The following GIGYF1 variants were observed in gnomAD, a reference collection of about 807,000 sequenced individuals.
GIGYF1 encodes GRB10-interacting GYF protein 1.
Under a neutral mutation model 147.1 loss-of-function variants are expected in GIGYF1, and 84 were observed. The observed-to-expected ratio is 0.57, with a 90% CI of 0.48 to 0.68. The LOEUF is 0.68. Ranked by LOEUF, GIGYF1 falls within the 30% of genes least tolerant of loss-of-function variation. GIGYF1 has a pLI of 0.00. For missense variants in GIGYF1, 1,485 were observed against 1,393.7 expected, an observed-to-expected ratio of 1.07 and a Z score of -1.04; for synonymous variants, 752 against 589.5, an observed-to-expected ratio of 1.28 and a Z score of -3.99.
rs1052102431 is a variant in GIGYF1 at position 100,680,864 on chromosome 7, G to A, written c.*855C>T. On this transcript the variant is annotated 3_prime_UTR_variant, in exon 27 of 27. Transcript: ENST00000678049. ...CATTCACGTGGCAAGGCAGAGAGCT[G>A]GGGCTTTCAGGTTCAAACCCAGGGT... The A allele has an allele frequency of 1.3e-5, 2 of 152,724 alleles. No homozygotes were observed. Among genetic ancestry groups the A allele is most frequent in the Non-Finnish European group, 2.9e-5 (2 of 68,084 alleles). The allele number at this position is 152,724 out of a possible 1,614,324, so 9.5% of individuals were successfully genotyped here.
In GIGYF1 at chr7:100,682,431, T is replaced by C. The variant is rs748146771; in HGVS notation, c.2652A>G (p.Glu884=). ...GCAGCAGCTTCAGCAGCTTCTCTTC[T>C]TCCTCCGTCTTTTTGCGAATGGGCC... is the stretch of plus-strand genomic sequence containing the variant. ...SGRPIRKKTE[E]EEKLLKLLQG... is the part of the protein sequence containing the mutation. Residue 884 remains glutamate, a synonymous_variant, in exon 24 of 27, where the codon GAA becomes GAG. Transcript: ENST00000678049. The C allele has an allele frequency of 1.5e-5, 25 of 1,613,620 alleles. No homozygotes were observed. In the East Asian group the frequency reaches 1.8e-4, roughly 12 times the overall value.
chr7:100,682,703 G>T lies in GIGYF1; in HGVS notation c.2487C>A (p.Asp829Glu). 1 of 1,591,284 alleles carries T rather than the reference G, an allele frequency of 6.3e-7. No homozygotes were observed. The highest frequency in any genetic ancestry group is 8.6e-7 in the Non-Finnish European group (1 of 1,169,238). Reference protein sequence around the residue: ...SEAGPLWGGPDKSGGGSSGLG... With the variant: ...SEAGPLWGGPEKSGGGSSGLG... ...GGCCGCTGCTGCCGCCCCCACTCTT[G>T]TCTGGCCCGCCCCACAGTGGCCCAG... Residue 829 changes from aspartate to glutamate, a missense_variant, in exon 23 of 27, where the codon GAC becomes GAA. Asp to Glu is a conservative substitution (Grantham distance 45). Transcript: ENST00000678049.
At position 100,684,247 on chromosome 7, in the gene GIGYF1, G is replaced by C; in HGVS notation, c.1720C>G (p.Leu574Val). Residue 574 changes from leucine to valine, a missense_variant, in exon 17 of 27, where the codon CTG (leucine) becomes GTG (valine). By Grantham distance (32) the Leu-to-Val change is conservative. Coordinates refer to ENST00000678049, the MANE Select transcript of GIGYF1 (RefSeq NM_001375765.1). ...QQLQHQQFLQ[L>V]VSSRQLPQCA... ...CCAGGCCCCCCATACCTGCTGACCA[G>C]CTGGAGAAACTGCTGGTGCTGCAGC... 6.2e-7 allele frequency: 1 copy of C among 1,608,926 alleles called. No individual in the cohort carries two copies. Among genetic ancestry groups the C allele is most frequent in the Non-Finnish European group, 8.5e-7 (1 of 1,178,626 alleles).
intron 12 of GIGYF1, among the ~76,000 whole-genome samples, 177 bp downstream of exon 12, chr7:100,685,797 A>G (rs576373757): frequency 3.3e-5 from 5 of 152,294 alleles, no homozygotes; most frequent in Admixed American, 3.3e-4. Flanking sequence ...TATCTGGTAC[A>G]CTGCCTTGAA....
rs1804909778 is a variant in GIGYF1 at position 100,682,755 on chromosome 7, G to A, written c.2435C>T (p.Ala812Val). 3.3e-6 allele frequency: 5 copies of A among 1,534,770 alleles called. No homozygotes were observed. Among genetic ancestry groups the A allele is most frequent in the Admixed American group, 4.2e-5 (2 of 47,402 alleles). ...HRVQLGGLGT[A>V]PLNQWVSEAG... The stretch of plus-strand genomic sequence containing the variant: ...CTCAGACACCCACTGGTTCAGGGGG[G>A]CAGTGCCCAGGCCCCCAAGCTGCTA... Residue 812 changes from alanine (A) to valine (V), a missense_variant, in exon 23 of 27, where the codon GCC (alanine) becomes GTC (valine). Ala to Val is a moderately conservative substitution (Grantham distance 64). Coordinates refer to ENST00000678049, the MANE Select transcript of GIGYF1 (RefSeq NM_001375765.1).
Position 100,688,273 on chromosome 7 carries a change from G to T in GIGYF1, c.-35C>A. ...GGGCGTGTTTGAGAGGCCGGGGGTG[G>T]GGAGGAGGGGACCTGGCGTTCACTG... On this transcript the variant is annotated 5_prime_UTR_variant, in exon 4 of 27. Transcript: ENST00000678049. 2.2e-6 allele frequency: 3 copies of T among 1,360,376 alleles called. No homozygotes were observed. Among genetic ancestry groups the T allele is most frequent in the South Asian group, 1.2e-5 (1 of 86,648 alleles). 84.3% of individuals were successfully genotyped at this position (1,360,376 alleles called of 1,614,324 possible).
chr7:100,685,094 T>G lies in GIGYF1; in HGVS notation c.1245A>C (p.Pro415=). 1 of 1,581,358 alleles carries G rather than the reference T, an allele frequency of 6.3e-7. No homozygotes were observed. Among genetic ancestry groups the G allele is most frequent in the Non-Finnish European group, 8.6e-7 (1 of 1,162,694 alleles). ...LSPGVGSSAG[P]PGDLEDDEGL... is the part of the protein sequence containing the mutation. ...CTTCATCATCCTCCAGATCTCCGGG[T>G]GGGCCAGCAGAGGAGCCCACCCCGG... The change falls in exon 14 of 27, where the codon CCA becomes CCC. Residue 415 remains proline, a synonymous_variant. Transcript: ENST00000678049.
At position 100,686,629 on chromosome 7, in the gene GIGYF1, C is replaced by T; in HGVS notation, c.694+20G>A. ...CTGCTCCCCACTGCCCCCGCCAATG[C>T]TACCAGGCCCCAATCTCACCAGGGC... is the stretch of plus-strand genomic sequence containing the variant. On this transcript the variant is annotated intron_variant, in intron 10 of 26. Coordinates refer to ENST00000678049, the MANE Select transcript of GIGYF1 (RefSeq NM_001375765.1). 1 of 1,598,610 alleles carries T rather than the reference C, an allele frequency of 6.3e-7. No homozygotes were observed. The highest frequency in any genetic ancestry group is 8.5e-7 in the Non-Finnish European group (1 of 1,173,932).
intron 6 of GIGYF1, 46 bp from the exon 7 acceptor site, chr7:100,687,662 C>A: frequency 6.7e-7 from 1 of 1,497,112 alleles, no homozygotes. Context: ...GGCACCCAAC[C>A]ACCTCCACCC....
Position 100,683,100 on chromosome 7 carries a change from A to T in GIGYF1, c.2324T>A (p.Leu775Gln). ...AKQGLSMKTL[L>Q]ELQLEGERQL... ...CCGCTCGCCCTCCAGCTGCAACTCCAGGAGCGTCTTCATGGACAGCCCCTG... is the reference window on the plus strand; with the variant it reads ...CCGCTCGCCCTCCAGCTGCAACTCCTGGAGCGTCTTCATGGACAGCCCCTG... Residue 775 changes from leucine to glutamine, a missense_variant, in exon 22 of 27, where the codon CTG (leucine) becomes CAG (glutamine). By Grantham distance (113) the Leu-to-Gln change is moderately radical. Transcript: ENST00000678049. 1 of 1,591,426 alleles carries T rather than the reference A, an allele frequency of 6.3e-7. No individual in the cohort carries two copies. Among genetic ancestry groups the T allele is most frequent in the Non-Finnish European group, 8.5e-7 (1 of 1,174,206 alleles).
At position 100,682,071 on chromosome 7, in the gene GIGYF1, C is replaced by T; in HGVS notation, c.2925+1G>A. On this transcript the variant is annotated splice_donor_variant, in intron 25 of 26. Transcript: ENST00000678049. LOFTEE classifies it high-confidence loss of function. ...CCAGCTGCTGGTGCCGGCTGCCTCA[C>T]CTGCTGCTGCTGCCGCTGCTGGCTG... 1.2e-6 allele frequency: 2 copies of T among 1,612,548 alleles called. No homozygotes were observed. Among genetic ancestry groups the T allele is most frequent in the Non-Finnish European group, 1.7e-6 (2 of 1,179,624 alleles).
chr7:100,693,134 G>T (rs1199694424), intron 1 of GIGYF1, among the ~76,000 whole-genome samples: 1 of 151,278 alleles, frequency 6.6e-6, no homozygotes, highest in Non-Finnish European at 1.5e-5. Context: ...TTGGGTGGCT[G>T]GAAAAAAAAA....
rs756501091 is a variant in GIGYF1 at position 100,687,097 on chromosome 7, C to T, written c.483-51G>A. On this transcript the variant is annotated intron_variant, in intron 8 of 26. Transcript: ENST00000678049. Reference sequence around the variant, plus strand: ...AGAAACAGTACAGCCTCCCCTGCCACCCTGTGCAACCGCCCCATGCCTTGT... The same window carrying T: ...AGAAACAGTACAGCCTCCCCTGCCATCCTGTGCAACCGCCCCATGCCTTGT... 1.2e-4 allele frequency: 195 copies of T among 1,608,870 alleles called. 1 individual carries two copies. The highest frequency in any genetic ancestry group is 2.4e-5 in the Non-Finnish European group (28 of 1,175,752).
Position 100,686,676 on chromosome 7 carries a change from C to A in GIGYF1, c.667G>T (p.Gly223Cys), listed in dbSNP as rs760618499. 11 of 1,612,506 alleles carry A rather than the reference C, an allele frequency of 6.8e-6. No homozygotes were observed. Among genetic ancestry groups the A allele is most frequent in the South Asian group, 1.1e-5 (1 of 91,042 alleles). ...WRLGAGPRRD[G>C]DRWRSASPDG... ...GGGCTGGCGGAGCGCCAGCGGTCGC[C>A]GTCTCGCCGGGGCCCTGCTCCGAGC... Residue 223 changes from glycine (G) to cysteine (C), a missense_variant, in exon 10 of 27, where the codon GGC (glycine) becomes TGC (cysteine). Physicochemically the swap from Gly to Cys is radical, Grantham distance 159 (BLOSUM62 -3). Coordinates refer to ENST00000678049, the MANE Select transcript of GIGYF1 (RefSeq NM_001375765.1).
Position 100,687,968 on chromosome 7 carries a change from C to G in GIGYF1, c.165+13G>C, listed in dbSNP as rs908045357. The G allele has an allele frequency of 2.5e-6, 4 of 1,609,910 alleles. No individual in the cohort carries two copies. The highest frequency in any genetic ancestry group is 3.4e-6 in the Non-Finnish European group (4 of 1,176,836). On this transcript the variant is annotated intron_variant, in intron 5 of 26. Transcript: ENST00000678049. ...AGGCCACCACCGCCAACCCCCCTCG[C>G]CCACGCACCCACCTTGTTCTCCTTG...
intron 17 of GIGYF1, 36 bp downstream of exon 17, chr7:100,684,201 C>T (rs369931741): frequency 5.2e-5 from 83 of 1,609,530 alleles, no homozygotes; most frequent in African/African-American, 4.0e-5. Flanking sequence ...GAGCCAGCGC[C>T]GGGCCTTCTC....
At position 100,682,466 on chromosome 7, in the gene GIGYF1, G is replaced by C; in HGVS notation, c.2617C>G (p.Leu873Val). The stretch of plus-strand genomic sequence containing the variant: ...TTTTTGCGAATGGGCCGACCCGATA[G>C]GTGGCTGTATGAGTCACTGAAGGGG... ...SPSLSDSYSH[L>V]SGRPIRKKTE... Residue 873 changes from leucine to valine, a missense_variant, in exon 24 of 27, where the codon CTA becomes GTA. By Grantham distance (32) the Leu-to-Val change is conservative. Coordinates refer to ENST00000678049, the MANE Select transcript of GIGYF1 (RefSeq NM_001375765.1). 1 of 1,612,666 alleles carries C rather than the reference G, an allele frequency of 6.2e-7. No individual in the cohort carries two copies.
chr7:100,683,498 G>T, intron 20 of GIGYF1, 52 bp downstream of exon 20: 1 of 1,613,712 alleles, frequency 6.2e-7, no homozygotes, highest in Non-Finnish European at 8.5e-7. Context: ...CCTGGGGCCT[G>T]CCTCGGTCCA....
rs764411848 is a variant in GIGYF1 at position 100,681,714 on chromosome 7, G to C, written c.*5C>G. 1 of 1,555,746 alleles carries C rather than the reference G, an allele frequency of 6.4e-7. No individual in the cohort carries two copies. The highest frequency in any genetic ancestry group is 2.3e-5 in the East Asian group (1 of 44,384). The stretch of plus-strand genomic sequence containing the variant: ...TACAGCCCAGGGGCTGGGGGTCCGG[G>C]CTGGTCAGTAGTCATCCACGCTCTC... On this transcript the variant is annotated 3_prime_UTR_variant, in exon 27 of 27. Transcript: ENST00000678049.
Sources: gnomAD v4.1 joint callset for allele counts (sites outside exome capture counted in the v4.1 genomes callset) on GRCh38, gnomAD v4.1.1 for gene constraint, MANE v1.5 for transcripts, NCBI Gene and HGNC (gene_info 2026-07-23, HGNC 2026-07-21) for gene names.